The following TENM2 variants were observed in gnomAD, a reference collection of about 807,000 sequenced individuals.
TENM2 encodes the protein teneurin transmembrane protein 2, also known as teneurin-2.
In TENM2, 52 loss-of-function variants were observed where a neutral mutation model predicts 245.2. The observed-to-expected ratio is 0.21, with a 90% CI of 0.17 to 0.27. The LOEUF is 0.27. Among genes scored for constraint, TENM2 ranks in the 10% least tolerant of loss-of-function variants. The probability of loss-of-function intolerance (pLI) is 1.00; values close to 1 mark genes in which losing one functional copy is unlikely to be tolerated. For synonymous variants in TENM2, 1,363 were observed against 1,438.9 expected, an observed-to-expected ratio of 0.95 and a Z score of 1.19; for missense variants, 3,046 against 3,666.8, an observed-to-expected ratio of 0.83 and a Z score of 4.37.
At chr5:167,859,005 T>C (rs1218078963) in intron 2 of TENM2, among the ~76,000 whole-genome samples, 1 of 145,968 alleles carries the variant, frequency 6.9e-6, no homozygotes, top group Non-Finnish European at 1.5e-5. Flanking sequence ...TCTGCCTGGC[T>C]GCCCAGTCTG....
At chr5:167,298,724 A>C (rs1280762769) in intron 1 of TENM2, among the ~76,000 whole-genome samples, 1 of 152,256 alleles carries the variant, frequency 6.6e-6, no homozygotes, top group Non-Finnish European at 1.5e-5. Flanking sequence ...GTGCCTAAGG[A>C]GATTCAGCAT....
At position 167,755,133 on chromosome 5, in the gene TENM2, G is replaced by A. The variant is rs560628265; in HGVS notation, c.503-120853G>A. 236 of 1,599,144 alleles carry A rather than the reference G, an allele frequency of 1.5e-4. 1 individual carries two copies. The South Asian group carries it at 2.5e-3, about 17-fold the overall frequency. On this transcript the variant is annotated intron_variant, in intron 2 of 28. Coordinates refer to ENST00000518659, the Ensembl canonical transcript of TENM2. Reference sequence around the variant, plus strand: ...CCAGATCATCTCTTATGGAGACCCGGCAGTACCTCACCTCAGTCTGTGAGT... The same window carrying A: ...CCAGATCATCTCTTATGGAGACCCGACAGTACCTCACCTCAGTCTGTGAGT...
the TENM2 span, among the ~76,000 whole-genome samples, chr5:167,085,296 A>T: frequency 6.6e-6 from 1 of 152,196 alleles, no homozygotes; most frequent in Non-Finnish European, 1.5e-5. Context: ...TATTCAAAAT[A>T]CAGTCCTTCG....
intron 2 of TENM2, among the ~76,000 whole-genome samples, chr5:167,818,934 C>G (rs1767283062): frequency 6.6e-6 from 1 of 152,082 alleles, no homozygotes; most frequent in Non-Finnish European, 1.5e-5. Flanking sequence ...GATAACCCAG[C>G]ATTCTGGGCC....
chr5:167,073,963 G>A, the TENM2 span, among the ~76,000 whole-genome samples: 1 of 152,094 alleles, frequency 6.6e-6, no homozygotes, highest in Admixed American at 6.5e-5. Context: ...TTTCTCTCAG[G>A]TTCTTTCTTA....
chr5:166,987,648 C>T, the TENM2 span, among the ~76,000 whole-genome samples: 1 of 152,030 alleles, frequency 6.6e-6, no homozygotes, highest in African/African-American at 2.4e-5. Context: ...TTGTTCACAT[C>T]TGGGTTTCAG....
At chr5:167,162,130 C>T in the TENM2 span, among the ~76,000 whole-genome samples, 7 of 151,122 alleles carry the variant, frequency 4.6e-5, no homozygotes, top group African/African-American at 1.7e-4. Context: ...TGAGATCACA[C>T]CACTGCACTC....
At chr5:167,265,835 A>G in the TENM2 span, among the ~76,000 whole-genome samples, 1 of 151,840 alleles carries the variant, frequency 6.6e-6, no homozygotes, top group Non-Finnish European at 1.5e-5. Context: ...CTTTTTTTTC[A>G]TAGTCCCATA....
At chr5:168,259,371 T>A (rs968771253) in intron 27 of TENM2, among the ~76,000 whole-genome samples, 2 of 152,116 alleles carry the variant, frequency 1.3e-5, no homozygotes, top group African/African-American at 4.8e-5. Context: ...GCGGATCACC[T>A]GAGGTCGGGA....
the TENM2 span, among the ~76,000 whole-genome samples, chr5:167,053,664 A>C: frequency 6.6e-6 from 1 of 152,040 alleles, no homozygotes; most frequent in Non-Finnish European, 1.5e-5. Context: ...TGACTTTAGG[A>C]GTTTGAGACT....
intron 2 of TENM2, among the ~76,000 whole-genome samples, chr5:167,744,950 C>A (rs1761456209): frequency 6.6e-6 from 1 of 152,190 alleles, no homozygotes; most frequent in Non-Finnish European, 1.5e-5. Flanking sequence ...GTGACTGACT[C>A]ATGGTCTTCC....
At chr5:168,097,980 C>T (rs1465590297) in intron 8 of TENM2, 46 bp from the exon 11 acceptor site, 1 of 1,432,760 alleles carries the variant, frequency 7.0e-7, no homozygotes. Flanking sequence ...ATTACTGCAC[C>T]AGTAGACAGA....
intron 3 of TENM2, among the ~76,000 whole-genome samples, chr5:167,929,190 G>C (rs1162051039): frequency 1.4e-5 from 2 of 144,736 alleles, no homozygotes; most frequent in Non-Finnish European, 3.0e-5. Context: ...AAGGAAAAAG[G>C]AAGGAAGGAA....
At chr5:167,149,483 A>G in the TENM2 span, among the ~76,000 whole-genome samples, 34 of 152,314 alleles carry the variant, frequency 2.2e-4, no homozygotes, top group African/African-American at 7.7e-4. Context: ...CACAGAGTAT[A>G]GACCGGGATG....
At chr5:167,077,535 A>T in the TENM2 span, among the ~76,000 whole-genome samples, 1 of 152,212 alleles carries the variant, frequency 6.6e-6, no homozygotes, top group South Asian at 2.1e-4. Context: ...AAATAATGAG[A>T]TTATTCTAGA....
chr5:167,375,661 G>T (rs1049158928), intron 2 of TENM2, among the ~76,000 whole-genome samples, 188 bp downstream of exon 4: 3 of 152,184 alleles, frequency 2.0e-5, no homozygotes, highest in Non-Finnish European at 2.9e-5. Flanking sequence ...AATGAGAAGA[G>T]AATTTAAAAA....
At chr5:168,081,459 T>C (rs1411610324) in intron 7 of TENM2, among the ~76,000 whole-genome samples, 1 of 152,224 alleles carries the variant, frequency 6.6e-6, no homozygotes, top group African/African-American at 2.4e-5. Flanking sequence ...ATGTGTGAAT[T>C]TGATCCTGTC....
chr5:167,450,379 A>G (rs1345359569), intron 2 of TENM2, among the ~76,000 whole-genome samples: 1 of 152,124 alleles, frequency 6.6e-6, no homozygotes, highest in East Asian at 1.9e-4. Flanking sequence ...TTATTTCCAG[A>G]ACATATTTGT....
chr5:168,040,877 G>A (rs1299691388), intron 5 of TENM2, among the ~76,000 whole-genome samples: 1 of 152,208 alleles, frequency 6.6e-6, no homozygotes, highest in African/African-American at 2.4e-5. Context: ...ACTGGCAATT[G>A]AAGTTGCCGA....
Sources: allele counts gnomAD v4.1 joint callset (sites outside exome capture counted in the v4.1 genomes callset), GRCh38; gene constraint gnomAD v4.1.1; transcripts MANE v1.5; gene names NCBI Gene and HGNC (gene_info 2026-07-23, HGNC 2026-07-21).